Variants in WWOX observed in about 807,000 individuals in gnomAD.
WWOX encodes WW domain-containing oxidoreductase.
Under a neutral mutation model 46.2 loss-of-function variants are expected in WWOX, and 69 were observed. The observed-to-expected ratio is 1.49, with a 90% CI of 1.23 to 1.82. The LOEUF (loss-of-function observed/expected upper bound fraction) is 1.82. Ranked by LOEUF, WWOX falls within the 40% of genes most tolerant of loss-of-function variation. The probability of loss-of-function intolerance (pLI) is 0.00; values close to 1 mark genes in which losing one functional copy is unlikely to be tolerated. For missense variants in WWOX, 919 were observed against 542.6 expected (o/e 1.69, Z -6.89); for synonymous variants, 359 against 202.6 (o/e 1.77, Z -6.56).
rs770896880 is a variant in WWOX at position 79,212,143 on chromosome 16, C to A, written c.*347C>A. The A allele has an allele frequency of 4.6e-6, 7 of 1,518,080 alleles. No homozygotes were observed. The highest frequency in any genetic ancestry group is 4.1e-5 in the Admixed American group (2 of 48,898). 94.0% of individuals were successfully genotyped at this position (1,518,080 alleles called of 1,614,324 possible). A position where few individuals can be genotyped will look rare whatever the true frequency, so the allele number is the denominator to read the frequency against. ...GTTATAGAATAGCCTGAGGTCCCCTCGTCCCATCCAGCTACCACCACGGCC... is the reference window on the plus strand; with the variant it reads ...GTTATAGAATAGCCTGAGGTCCCCTAGTCCCATCCAGCTACCACCACGGCC... On this transcript the variant is annotated 3_prime_UTR_variant, in exon 9 of 9. Coordinates refer to ENST00000566780, the MANE Select transcript of WWOX (RefSeq NM_016373.4).
intron 8 of WWOX, among the ~76,000 whole-genome samples, chr16:78,612,776 C>G (rs765008107): frequency 6.6e-6 from 1 of 152,122 alleles, no homozygotes; most frequent in Non-Finnish European, 1.5e-5. Context: ...CCCACCCAGC[C>G]CATGTTAATT....
intron 6 of WWOX, among the ~76,000 whole-genome samples, chr16:78,423,814 C>G (rs558340713): frequency 1.3e-5 from 2 of 150,882 alleles, no homozygotes; most frequent in African/African-American, 4.9e-5. Flanking sequence ...CCACTGCACT[C>G]CAGCCTGGAT....
chr16:78,533,202 G>C (rs945716056), intron 8 of WWOX, among the ~76,000 whole-genome samples: 2 of 152,126 alleles, frequency 1.3e-5, no homozygotes, highest in African/African-American at 4.8e-5. Context: ...GTTGGGAACA[G>C]AGTTGACGGA....
At chr16:78,538,513 C>T (rs879940302) in intron 8 of WWOX, among the ~76,000 whole-genome samples, 11 of 152,134 alleles carry the variant, frequency 7.2e-5, no homozygotes, top group Admixed American at 4.6e-4. Context: ...TGTCTGTAGC[C>T]TGCCCTCCTC....
chr16:78,615,861 C>A (rs1375452645), intron 8 of WWOX, among the ~76,000 whole-genome samples: 1 of 151,862 alleles, frequency 6.6e-6, no homozygotes, highest in Non-Finnish European at 1.5e-5. Flanking sequence ...CGCCATTCTC[C>A]TGCCTCAGCC....
intron 5 of WWOX, among the ~76,000 whole-genome samples, chr16:78,336,815 G>A (rs1252760079): frequency 1.3e-5 from 2 of 152,074 alleles, no homozygotes; most frequent in African/African-American, 2.4e-5. Context: ...TTTTCGAGAC[G>A]AAGTTTCGCT....
chr16:78,603,847 A>T (rs1745982847), intron 8 of WWOX, among the ~76,000 whole-genome samples: 1 of 152,194 alleles, frequency 6.6e-6, no homozygotes, highest in Non-Finnish European at 1.5e-5. Flanking sequence ...AGACTCTCTC[A>T]AAAATTAGAA....
intron 8 of WWOX, among the ~76,000 whole-genome samples, chr16:78,726,570 C>G (rs771151116): frequency 6.7e-6 from 1 of 149,376 alleles, no homozygotes; most frequent in Non-Finnish European, 1.5e-5. Flanking sequence ...TTTTTGTTCC[C>G]CCATGGGATA....
intron 8 of WWOX, among the ~76,000 whole-genome samples, chr16:79,065,491 C>T (rs552243671): frequency 1.3e-5 from 2 of 152,258 alleles, no homozygotes; most frequent in Admixed American, 1.3e-4. Flanking sequence ...AGTTGAATCA[C>T]AAGTCCCAGG....
intron 5 of WWOX, among the ~76,000 whole-genome samples, chr16:78,283,523 T>A (rs2079716745): frequency 6.6e-6 from 1 of 152,180 alleles, no homozygotes; most frequent in South Asian, 2.1e-4. Context: ...TATACACAGC[T>A]GGGTAGGTTG....
At chr16:78,940,161 G>T (rs577003038) in intron 8 of WWOX, among the ~76,000 whole-genome samples, 2 of 152,256 alleles carry the variant, frequency 1.3e-5, no homozygotes, top group Admixed American at 1.3e-4. Context: ...TTAGGCAAAT[G>T]TATGCAGATT....
At chr16:79,011,206 C>T (rs2047300171) in intron 8 of WWOX, among the ~76,000 whole-genome samples, 1 of 150,820 alleles carries the variant, frequency 6.6e-6, no homozygotes, top group South Asian at 2.1e-4. Flanking sequence ...TTGCAGACAT[C>T]ATCACGGCTC....
intron 8 of WWOX, among the ~76,000 whole-genome samples, chr16:78,686,229 A>C (rs1003211513): frequency 6.6e-6 from 1 of 152,134 alleles, no homozygotes; most frequent in Non-Finnish European, 1.5e-5. Context: ...ATCTGTTAGA[A>C]GGCCAGGCGC....
chr16:78,640,832 G>C (rs1374825759), intron 8 of WWOX, among the ~76,000 whole-genome samples: 1 of 151,880 alleles, frequency 6.6e-6, no homozygotes, highest in Non-Finnish European at 1.5e-5. Context: ...CCAGCTATTC[G>C]GGAGGGTGAG....
intron 5 of WWOX, among the ~76,000 whole-genome samples, chr16:78,217,279 A>C (rs893696936): frequency 5.3e-5 from 8 of 152,202 alleles, no homozygotes; most frequent in African/African-American, 1.9e-4. Flanking sequence ...ATGTGGAGTT[A>C]TCAGTTCCTA....
chr16:78,579,659 C>T (rs1385415104), intron 8 of WWOX, among the ~76,000 whole-genome samples: 1 of 152,194 alleles, frequency 6.6e-6, no homozygotes, highest in African/African-American at 2.4e-5. Flanking sequence ...AAGAGATCAT[C>T]TCTGTCTCTA....
intron 4 of WWOX, among the ~76,000 whole-genome samples, chr16:78,143,741 A>G (rs2034067891): frequency 6.7e-6 from 1 of 149,090 alleles, no homozygotes; most frequent in Non-Finnish European, 1.5e-5. Context: ...TTCCTCTAAA[A>G]GAATTGGTAT....
chr16:78,808,431 A>G (rs2051099917), intron 8 of WWOX, among the ~76,000 whole-genome samples: 1 of 152,214 alleles, frequency 6.6e-6, no homozygotes, highest in African/African-American at 2.4e-5. Flanking sequence ...GGATGTGTAA[A>G]GTAGAAATCC....
At chr16:78,415,515 C>G (rs1047233795) in intron 6 of WWOX, among the ~76,000 whole-genome samples, 1 of 152,192 alleles carries the variant, frequency 6.6e-6, no homozygotes, top group Admixed American at 6.5e-5. Context: ...TACCCAGCCC[C>G]TATTCAAAAT....
Sources: gnomAD v4.1 joint callset for allele counts (sites outside exome capture counted in the v4.1 genomes callset) on GRCh38, gnomAD v4.1.1 for gene constraint, MANE v1.5 for transcripts, NCBI Gene and HGNC (gene_info 2026-07-23, HGNC 2026-07-21) for gene names.